The following HNRNPUL1 variants were observed in gnomAD, a reference collection of about 807,000 sequenced individuals.
HNRNPUL1 encodes the protein heterogeneous nuclear ribonucleoprotein U-like protein 1.
Under a neutral mutation model 108.5 loss-of-function variants are expected in HNRNPUL1, and 14 were observed. That is an observed-to-expected ratio of 0.13 (90% confidence interval 0.09 to 0.20). The LOEUF (loss-of-function observed/expected upper bound fraction) is 0.20. Ranked by LOEUF, HNRNPUL1 falls within the 10% of genes least tolerant of loss-of-function variation. The probability of loss-of-function intolerance (pLI) is 1.00; values close to 1 mark genes in which losing one functional copy is unlikely to be tolerated. For missense variants in HNRNPUL1, 804 were observed against 1,168.3 expected, an observed-to-expected ratio of 0.69 and a Z score of 4.55; for synonymous variants, 422 against 445.2, an observed-to-expected ratio of 0.95 and a Z score of 0.66.
chr19:41,263,944 G>C (rs908402006), upstream of HNRNPUL1, among the ~76,000 whole-genome samples: 1 of 152,150 alleles, frequency 6.6e-6, no homozygotes, highest in Non-Finnish European at 1.5e-5. Context: ...GGTTTTACCC[G>C]CTCGGACTCC....
At chr19:41,284,691 A>G (rs1003729631) in intron 7 of HNRNPUL1, among the ~76,000 whole-genome samples, 1 of 151,560 alleles carries the variant, frequency 6.6e-6, no homozygotes, top group Non-Finnish European at 1.5e-5. Context: ...GTGTAGGTAC[A>G]GAGTTGCTAT....
upstream of HNRNPUL1, chr19:41,264,346 T>G (rs1599752207): frequency 7.3e-6 from 4 of 546,042 alleles, no homozygotes; most frequent in South Asian, 1.0e-4. Flanking sequence ...GAGGCACGAG[T>G]GAGGGGGGAG....
chr19:41,305,298 T>A (rs565101634), intron 13 of HNRNPUL1, among the ~76,000 whole-genome samples: 8 of 152,322 alleles, frequency 5.3e-5, no homozygotes, highest in Admixed American at 3.9e-4. Flanking sequence ...CACCACCTGT[T>A]GAGTACCCAG....
rs772125858 is a variant in HNRNPUL1, at chr19:41,276,252, G to T, written c.740G>T (p.Arg247Leu). ...EGFAYLWSGA[R>L]ASYGVRRGRV... ...TTTGCATACCTGTGGTCAGGAGCCC[G>T]TGCCAGCTATGGGGTCAGAAGGGGC... Residue 247 changes from arginine (R) to leucine (L), a missense_variant, in exon 5 of 15, where the codon CGT becomes CTT. Arg to Leu is a moderately radical substitution (Grantham distance 102, BLOSUM62 -2). Around this residue, in one of 4 missense-constraint regions of HNRNPUL1, gnomAD observed 174 missense variants for 296.6 expected, o/e 0.59. Transcript: ENST00000392006. 6.2e-7 allele frequency: 1 copy of T among 1,613,416 alleles called. No homozygotes were observed. The highest frequency in any genetic ancestry group is 8.5e-7 in the Non-Finnish European group (1 of 1,179,580).
At chr19:41,302,536 T>G (rs753251295) in intron 11 of HNRNPUL1, 129 bp from the exon 12 acceptor site, 1 of 1,206,862 alleles carries the variant, frequency 8.3e-7, no homozygotes, top group South Asian at 1.2e-5. Flanking sequence ...TATGTCTTTC[T>G]TATTCACTAT....
intron 7 of HNRNPUL1, among the ~76,000 whole-genome samples, chr19:41,290,405 C>G (rs902226252): frequency 1.3e-5 from 2 of 152,204 alleles, no homozygotes; most frequent in African/African-American, 2.4e-5. Flanking sequence ...CAGTTTTGAG[C>G]AGGCTGCTCC....
At position 41,302,965 on chromosome 19, in the gene HNRNPUL1, C is replaced by G; in HGVS notation, c.1972+16C>G. On this transcript the variant is annotated intron_variant, in intron 12 of 14. Coordinates refer to ENST00000392006, the MANE Select transcript of HNRNPUL1 (RefSeq NM_007040.6). Reference sequence around the variant, plus strand: ...TACCGAGGAGGTGAGACATCTCACACACAGCACTCTCCACTTTCTGTTCCC... The same window carrying G: ...TACCGAGGAGGTGAGACATCTCACAGACAGCACTCTCCACTTTCTGTTCCC... 6.6e-7 allele frequency: 1 copy of G among 1,517,212 alleles called. No individual in the cohort carries two copies. The highest frequency in any genetic ancestry group is 2.3e-5 in the East Asian group (1 of 44,076). 94.0% of individuals were successfully genotyped at this position (1,517,212 alleles called of 1,614,324 possible).
Position 41,281,677 on chromosome 19 carries a change from C to A in HNRNPUL1, c.999+402C>A, listed in dbSNP as rs907045242. Among the ~76,000 whole-genome samples, 6 of 152,280 alleles carry A rather than the reference C, an allele frequency of 3.9e-5. No individual in the cohort carries two copies. In the South Asian group the frequency reaches 1.2e-3, roughly 32 times the overall value. ...CATCATCTTATCCCAAAACTTCTCC[C>A]TTTCTTCATCTCACATTGGTTGAGC... On this transcript the variant is annotated intron_variant, in intron 7 of 14. Transcript: ENST00000392006.
At chr19:41,267,806 T>G (rs977108909) in intron 1 of HNRNPUL1, among the ~76,000 whole-genome samples, 1 of 152,248 alleles carries the variant, frequency 6.6e-6, no homozygotes, top group African/African-American at 2.4e-5. Context: ...TGAGGGAATT[T>G]CTGGTTTTAG....
At chr19:41,274,172 G>A (rs949896825) in intron 4 of HNRNPUL1, 117 bp downstream of exon 4, 13 of 823,880 alleles carry the variant, frequency 1.6e-5, no homozygotes, top group South Asian at 8.9e-5. Context: ...TAGTCCACAT[G>A]TGAGACACGG....
intron 12 of HNRNPUL1, among the ~76,000 whole-genome samples, chr19:41,303,216 C>T (rs1188805197): frequency 2.0e-5 from 3 of 152,156 alleles, no homozygotes; most frequent in Non-Finnish European, 4.4e-5. Flanking sequence ...AACCTTCCCC[C>T]ATCTGACCAT....
At chr19:41,306,287 G>T (rs534833631) in intron 14 of HNRNPUL1, among the ~76,000 whole-genome samples, 162 bp from the exon 15 acceptor site, 1 of 152,366 alleles carries the variant, frequency 6.6e-6, no homozygotes, top group Admixed American at 6.5e-5. Flanking sequence ...CTACCTGTGT[G>T]GTGTCAGGTC....
chr19:41,305,462 C>A (rs970631072), intron 13 of HNRNPUL1, among the ~76,000 whole-genome samples: 1 of 152,230 alleles, frequency 6.6e-6, no homozygotes, highest in Non-Finnish European at 1.5e-5. Context: ...GGGTTAGAGT[C>A]CACATCACAG....
At chr19:41,288,658 G>C (rs749333371) in intron 7 of HNRNPUL1, among the ~76,000 whole-genome samples, 2 of 152,156 alleles carry the variant, frequency 1.3e-5, no homozygotes, top group Non-Finnish European at 2.9e-5. Flanking sequence ...CCCTTTGGTG[G>C]ACATGTCGTT....
At chr19:41,263,401 G>A (rs369504080), upstream of HNRNPUL1, among the ~76,000 whole-genome samples, 14 of 152,274 alleles carry the variant, frequency 9.2e-5, no homozygotes, top group South Asian at 1.2e-3. Flanking sequence ...TAGAGGATTC[G>A]GGAGAGCGGT....
chr19:41,281,711 C>T (rs1423787296), intron 7 of HNRNPUL1, among the ~76,000 whole-genome samples: 3 of 152,110 alleles, frequency 2.0e-5, no homozygotes, highest in African/African-American at 7.2e-5. Context: ...GCCAGGCTTC[C>T]TACAATGCAC....
At chr19:41,295,496 A>G (rs1003851878) in intron 10 of HNRNPUL1, among the ~76,000 whole-genome samples, 4 of 152,240 alleles carry the variant, frequency 2.6e-5, no homozygotes, top group African/African-American at 7.2e-5. Context: ...GTTATTGCCT[A>G]TGCAACGTCA....
intron 5 of HNRNPUL1, 87 bp from the exon 6 acceptor site, chr19:41,278,990 A>T: frequency 1.1e-6 from 1 of 891,548 alleles, no homozygotes; most frequent in Non-Finnish European, 1.8e-6. Flanking sequence ...CTATTTTTTA[A>T]TGCCTGATAT....
chr19:41,268,113 C>A (rs1435507767), intron 1 of HNRNPUL1, 110 bp from the exon 2 acceptor site: 4 of 1,013,518 alleles, frequency 3.9e-6, no homozygotes, highest in East Asian at 2.5e-5. Flanking sequence ...TATTATTATT[C>A]TTACCACTCT....
Sources: allele counts gnomAD v4.1 joint callset (sites outside exome capture counted in the v4.1 genomes callset), GRCh38; gene constraint gnomAD v4.1.1; regional missense constraint gnomAD v4.1.1; transcripts MANE v1.5; gene names NCBI Gene and HGNC (gene_info 2026-07-23, HGNC 2026-07-21).